SNX27: variants seen among roughly 807,000 people sequenced by gnomAD.
SNX27 encodes the protein sorting nexin 27.
Under a neutral mutation model 71.6 loss-of-function variants are expected in SNX27, and 22 were observed. The observed-to-expected ratio is 0.31, with a 90% CI of 0.22 to 0.44. The LOEUF (loss-of-function observed/expected upper bound fraction) is 0.44, where lower values mean the gene tolerates loss of function less well. Ranked by LOEUF, SNX27 falls within the 20% of genes least tolerant of loss-of-function variation. The pLI, the probability that SNX27 is intolerant of heterozygous loss-of-function variation, is 1.00. For synonymous variants in SNX27, 269 were observed against 277.2 expected, an observed-to-expected ratio of 0.97 and a Z score of 0.29; for missense variants, 531 against 698.6, an observed-to-expected ratio of 0.76 and a Z score of 2.70.
intron 7 of SNX27, among the ~76,000 whole-genome samples, chr1:151,673,259 G>A (rs900014365): frequency 2.6e-5 from 4 of 151,634 alleles, no homozygotes; most frequent in South Asian, 2.1e-4. Context: ...TAATTTCCAC[G>A]TACTTGAATA....
chr1:151,625,496 ACT>A (rs1372824150), intron 1 of SNX27, among the ~76,000 whole-genome samples: 3 of 149,840 alleles, frequency 2.0e-5, no homozygotes, highest in Non-Finnish European at 4.4e-5. Flanking sequence ...ACAGAGCAAG[ACT>A]CTGTCTCAAA....
intron 1 of SNX27, among the ~76,000 whole-genome samples, chr1:151,625,045 T>C (rs1310090516): frequency 6.6e-6 from 1 of 152,238 alleles, no homozygotes; most frequent in African/African-American, 2.4e-5. Context: ...GTCCCAGTGA[T>C]GGTAAGCAAC....
intron 2 of SNX27, among the ~76,000 whole-genome samples, chr1:151,647,960 TG>T (rs1183517647): frequency 3.3e-5 from 5 of 151,860 alleles, no homozygotes; most frequent in African/African-American, 1.2e-4. Context: ...GTGTGTTTGT[TG>T]AGAAAAAATA....
intron 3 of SNX27, 121 bp downstream of exon 3, chr1:151,658,548 A>T: frequency 2.0e-6 from 2 of 982,136 alleles, no homozygotes; most frequent in Non-Finnish European, 3.0e-6. Context: ...GTTTCTGACT[A>T]AGTATTGAAT....
Position 151,668,613 on chromosome 1 carries a change from C to T in SNX27, c.1127C>T (p.Ala376Val). The change falls in exon 7 of 12, where the codon GCT becomes GTT. Residue 376 changes from alanine (A) to valine (V), a missense_variant. By Grantham distance (64) the Ala-to-Val change is moderately conservative (BLOSUM62 0). Coordinates refer to ENST00000458013, the MANE Select transcript of SNX27 (RefSeq NM_001330723.2). Reference protein sequence around the residue: ...EEILLNDNDLAVTYFFHQAVD... With the variant: ...EEILLNDNDLVVTYFFHQAVD... ...ATTCTCTTAAATGACAATGACCTTGCTGTTACCTACTTCTTTCATCAGGTA... is the reference window on the plus strand; with the variant it reads ...ATTCTCTTAAATGACAATGACCTTGTTGTTACCTACTTCTTTCATCAGGTA... 1 of 1,612,106 alleles carries T rather than the reference C, an allele frequency of 6.2e-7. No homozygotes were observed. Among genetic ancestry groups the T allele is most frequent in the Non-Finnish European group, 8.5e-7 (1 of 1,179,436 alleles).
chr1:151,671,570 A>C (rs931316319), intron 7 of SNX27, among the ~76,000 whole-genome samples: 1 of 151,456 alleles, frequency 6.6e-6, no homozygotes, highest in African/African-American at 2.4e-5. Context: ...ATCTTTGGCT[A>C]TTCTGGGTCT....
chr1:151,612,150 C>T lies in SNX27; in HGVS notation c.-52C>T. 2.3e-6 allele frequency: 3 copies of T among 1,285,074 alleles called. No individual in the cohort carries two copies. The highest frequency in any genetic ancestry group is 4.8e-5 in the South Asian group (2 of 42,104). The allele number at this position is 1,285,074 out of a possible 1,614,324, so 79.6% of individuals were successfully genotyped here. ...GCTGCCAGGCAGGGCGAGCACGCGCCGGGAGGCCTTGGAGGCGTAGGGGGC... is the reference window on the plus strand; with the variant it reads ...GCTGCCAGGCAGGGCGAGCACGCGCTGGGAGGCCTTGGAGGCGTAGGGGGC... On this transcript the variant is annotated 5_prime_UTR_variant, in exon 1 of 12. Coordinates refer to ENST00000458013, the MANE Select transcript of SNX27 (RefSeq NM_001330723.2). This position sits in a 1 kb window ranked among gnomAD's most constrained non-coding sequence, Gnocchi z 5.2.
chr1:151,624,791 C>CT (rs1280381270), intron 1 of SNX27, among the ~76,000 whole-genome samples: 1 of 151,962 alleles, frequency 6.6e-6, no homozygotes, highest in Non-Finnish European at 1.5e-5. Flanking sequence ...CCTTATTATA[C>CT]TTTTTTCTCT....
intron 1 of SNX27, among the ~76,000 whole-genome samples, chr1:151,633,024 A>G (rs1222827792): frequency 6.6e-6 from 1 of 152,050 alleles, no homozygotes; most frequent in Non-Finnish European, 1.5e-5. Context: ...GGCGCCCGCC[A>G]CTACGCCTGG....
intron 8 of SNX27, among the ~76,000 whole-genome samples, chr1:151,688,631 CAAA>C (rs34779390): frequency 1.7e-5 from 2 of 116,848 alleles, no homozygotes; most frequent in East Asian, 2.3e-4. Context: ...GACTCTGTCT[CAAA>C]AAAAAAAAAA....
At chr1:151,673,623 G>A (rs1254844997) in intron 7 of SNX27, among the ~76,000 whole-genome samples, 6 of 152,166 alleles carry the variant, frequency 3.9e-5, no homozygotes, top group Non-Finnish European at 7.4e-5. Context: ...AAAGTTGGGT[G>A]TTGAGGTCTC....
chr1:151,682,966 C>T (rs1671035316), intron 7 of SNX27, among the ~76,000 whole-genome samples: 3 of 152,200 alleles, frequency 2.0e-5, no homozygotes, highest in Admixed American at 1.3e-4. Context: ...ACCTGGGAGG[C>T]GGAGGTTTCA....
At chr1:151,613,226 G>C (rs1203520055) in intron 1 of SNX27, 1 of 151,892 alleles carries the variant, frequency 6.6e-6, no homozygotes, top group Non-Finnish European at 1.5e-5. Flanking sequence ...TTGGGGTGGG[G>C]GGCGTGGGAT....
At chr1:151,673,471 T>C (rs1670534164) in intron 7 of SNX27, among the ~76,000 whole-genome samples, 1 of 152,194 alleles carries the variant, frequency 6.6e-6, no homozygotes, top group African/African-American at 2.4e-5. Flanking sequence ...GAATGATCTC[T>C]GTGCTGAGGA....
intron 5 of SNX27, among the ~76,000 whole-genome samples, chr1:151,663,895 A>G (rs1386751573): frequency 6.6e-6 from 1 of 152,032 alleles, no homozygotes; most frequent in African/African-American, 2.4e-5. Flanking sequence ...GATTTCATTA[A>G]AGATTACAAA....
chr1:151,667,464 C>G (rs1004618084), intron 6 of SNX27, among the ~76,000 whole-genome samples: 1 of 152,020 alleles, frequency 6.6e-6, no homozygotes, highest in Non-Finnish European at 1.5e-5. Context: ...AAAAGCAGTT[C>G]ATTGAGAATT....
intron 1 of SNX27, among the ~76,000 whole-genome samples, chr1:151,623,132 C>T (rs560727870): frequency 6.7e-6 from 1 of 149,784 alleles, no homozygotes. Flanking sequence ...GCCACCATAC[C>T]TGCCTAATAT....
chr1:151,639,804 T>C (rs1170788331), intron 2 of SNX27, among the ~76,000 whole-genome samples: 1 of 152,240 alleles, frequency 6.6e-6, no homozygotes, highest in African/African-American at 2.4e-5. Context: ...TTGCCACTGA[T>C]AGCTCAGTCT....
At chr1:151,692,690 G>A in intron 9 of SNX27, 106 bp downstream of exon 9, 1 of 1,496,402 alleles carries the variant, frequency 6.7e-7, no homozygotes, top group South Asian at 1.3e-5. Flanking sequence ...AATCAAAACT[G>A]TATTTTGACT....
Sources: gnomAD v4.1 joint callset for allele counts (sites outside exome capture counted in the v4.1 genomes callset) on GRCh38, gnomAD v4.1.1 for gene constraint, Gnocchi (gnomAD v3.1) non-coding constraint, MANE v1.5 for transcripts, NCBI Gene and HGNC (gene_info 2026-07-23, HGNC 2026-07-21) for gene names.